The following PIBF1 variants were observed in gnomAD, a reference collection of about 807,000 sequenced individuals.
The protein encoded by PIBF1 is progesterone-induced-blocking factor 1.
PIBF1 carries 90 observed loss-of-function variants against 112.5 expected under a neutral mutation model. The observed-to-expected ratio is 0.80, with a 90% confidence interval of 0.67 to 0.95. The LOEUF is 0.95. Ranked by LOEUF, PIBF1 falls within the 40% of genes least tolerant of loss-of-function variation. The probability of loss-of-function intolerance (pLI) is 0.00; values close to 1 mark genes in which losing one functional copy is unlikely to be tolerated. For synonymous variants in PIBF1, 301 were observed against 288.6 expected (o/e 1.04, Z -0.44); for missense variants, 915 against 852.3 (o/e 1.07, Z -0.92).
In PIBF1 at chr13:72,844,768, C is replaced by CTGTTT. The variant is rs1185914483; in HGVS notation, c.1224-9289_1224-9288insTGTTT. ...ACACACACACACACACACACACACA[C>CTGTTT]ACACACACACACACACACACACACA... On this transcript the variant is annotated intron_variant, in intron 9 of 17. Coordinates refer to ENST00000326291, the MANE Select transcript of PIBF1 (RefSeq NM_006346.4). Among the ~76,000 whole-genome samples the CTGTTT allele has an allele frequency of 1.5e-4, 16 of 106,938 alleles. 1 individual carries two copies. Among genetic ancestry groups the CTGTTT allele is most frequent in the African/African-American group, 2.8e-4 (8 of 28,560 alleles). 70.2% of individuals were successfully genotyped at this position (106,938 alleles called of 152,430 possible).
intron 10 of PIBF1, among the ~76,000 whole-genome samples, chr13:72,866,274 C>T (rs2038925168): frequency 6.6e-6 from 1 of 152,120 alleles, no homozygotes; most frequent in African/African-American, 2.4e-5. Flanking sequence ...AGGTAATAGT[C>T]ACAGCTTTTG....
intron 14 of PIBF1, among the ~76,000 whole-genome samples, chr13:72,950,127 C>T (rs1041647514): frequency 6.6e-6 from 1 of 152,140 alleles, no homozygotes; most frequent in South Asian, 2.1e-4. Context: ...TTTTCTGCCC[C>T]TTTGAGCAAT....
intron 13 of PIBF1, among the ~76,000 whole-genome samples, chr13:72,919,457 T>C (rs750687091): frequency 1.3e-5 from 2 of 152,216 alleles, no homozygotes; most frequent in African/African-American, 2.4e-5. Flanking sequence ...CCATTTCCTC[T>C]AAAAGTCACA....
intron 8 of PIBF1, among the ~76,000 whole-genome samples, chr13:72,833,899 T>G (rs2037233759): frequency 1.3e-5 from 2 of 152,184 alleles, no homozygotes; most frequent in Non-Finnish European, 2.9e-5. Context: ...GAGTTTTATC[T>G]ATCAATTTTA....
At chr13:72,879,271 A>G (rs985790046) in intron 10 of PIBF1, among the ~76,000 whole-genome samples, 3 of 152,124 alleles carry the variant, frequency 2.0e-5, no homozygotes, top group Non-Finnish European at 2.9e-5. Context: ...TTCAAAAAGG[A>G]AAGTTTGCAA....
chr13:72,791,641 T>C (rs1191660139), intron 2 of PIBF1, among the ~76,000 whole-genome samples: 1 of 152,052 alleles, frequency 6.6e-6, no homozygotes, highest in East Asian at 1.9e-4. Context: ...AAAATAATTT[T>C]TTTTTTTTTG....
intron 3 of PIBF1, among the ~76,000 whole-genome samples, chr13:72,794,257 A>G (rs2137958332): frequency 6.6e-6 from 1 of 152,314 alleles, no homozygotes; most frequent in Non-Finnish European, 1.5e-5. Flanking sequence ...CAGTAAAAAT[A>G]TGATCGCCAT....
chr13:72,933,890 A>T (rs2041785585), intron 14 of PIBF1, among the ~76,000 whole-genome samples: 1 of 152,212 alleles, frequency 6.6e-6, no homozygotes, highest in African/African-American at 2.4e-5. Context: ...ATTTCATGAG[A>T]AAAGGAGGAA....
chr13:72,942,063 C>T (rs1371830333), intron 14 of PIBF1, among the ~76,000 whole-genome samples: 5 of 152,106 alleles, frequency 3.3e-5, no homozygotes, highest in Admixed American at 2.6e-4. Context: ...ACCCATTCTT[C>T]TGCCTCTAAC....
intron 1 of PIBF1, 42 bp from the exon 2 acceptor site, chr13:72,783,381 T>C: frequency 1.1e-6 from 1 of 900,712 alleles, no homozygotes; most frequent in Non-Finnish European, 1.7e-6. Context: ...TTTCTGTAGT[T>C]AATTTTATAG....
rs2034425222 is a variant in PIBF1 at position 72,783,625 on chromosome 13, A to G, written c.156A>G (p.Glu52=). The G allele has an allele frequency of 1.9e-6, 3 of 1,614,058 alleles. No homozygotes were observed. Among genetic ancestry groups the G allele is most frequent in the Non-Finnish European group, 2.5e-6 (3 of 1,179,902 alleles). Residue 52 remains glutamate (E), a synonymous_variant, in exon 2 of 18, where the codon GAA becomes GAG. Coordinates refer to ENST00000326291, the MANE Select transcript of PIBF1 (RefSeq NM_006346.4). ...TCAGAATCACCAGGCAGCTAATTGA[A>G]CGAAAAGAACTACTTCATAATATTC... ...GKVRITRQLI[E]RKELLHNIQL...
intron 14 of PIBF1, among the ~76,000 whole-genome samples, chr13:72,957,201 A>C (rs2042470911): frequency 6.6e-6 from 1 of 152,210 alleles, no homozygotes; most frequent in Non-Finnish European, 1.5e-5. Context: ...TACGAAAAAG[A>C]TACTTGCACA....
chr13:72,824,538 A>G (rs1421866584), intron 6 of PIBF1, among the ~76,000 whole-genome samples: 3 of 152,170 alleles, frequency 2.0e-5, no homozygotes, highest in African/African-American at 7.2e-5. Flanking sequence ...TTAAGTGTAC[A>G]GTTCAGTGGT....
chr13:72,969,015 G>A (rs1051082615), intron 15 of PIBF1, among the ~76,000 whole-genome samples: 2 of 150,642 alleles, frequency 1.3e-5, no homozygotes, highest in Admixed American at 1.3e-4. Flanking sequence ...GGGTGACAAA[G>A]CAAAACTCTG....
At chr13:72,924,363 A>G (rs899681647) in intron 13 of PIBF1, among the ~76,000 whole-genome samples, 5 of 152,042 alleles carry the variant, frequency 3.3e-5, no homozygotes, top group African/African-American at 4.8e-5. Flanking sequence ...AGGTGCTGCA[A>G]CTTCGGAGTA....
chr13:72,931,724 A>ATATATATATATATATATATATATATC (rs2041706089), intron 14 of PIBF1, among the ~76,000 whole-genome samples: 1 of 126,832 alleles, frequency 7.9e-6, no homozygotes, highest in Non-Finnish European at 1.8e-5. Flanking sequence ...CTACGTATAT[A>ATATATATATATATATATATATATATC]TATATATATA....
intron 5 of PIBF1, among the ~76,000 whole-genome samples, chr13:72,816,434 G>A (rs76575899): frequency 0.11 from 16,762 of 152,080 alleles, 1,260 homozygotes; most frequent in Non-Finnish European, 0.17. Flanking sequence ...GGGCTGAGGC[G>A]GGTGGATTCC....
intron 11 of PIBF1, among the ~76,000 whole-genome samples, chr13:72,899,534 A>G (rs1382734056): frequency 6.6e-6 from 1 of 152,210 alleles, no homozygotes; most frequent in Admixed American, 6.5e-5. Flanking sequence ...ACCTCAATAG[A>G]TGCAGAAACA....
chr13:73,007,370 G>A (rs2044067082), intron 17 of PIBF1, among the ~76,000 whole-genome samples: 2 of 149,844 alleles, frequency 1.3e-5, no homozygotes, highest in South Asian at 4.2e-4. Context: ...AATCTTGGCT[G>A]ACTGCAGCCT....
Sources: allele counts gnomAD v4.1 joint callset (sites outside exome capture counted in the v4.1 genomes callset), GRCh38; gene constraint gnomAD v4.1.1; transcripts MANE v1.5; gene names NCBI Gene and HGNC (gene_info 2026-07-23, HGNC 2026-07-21).